PPP3CA: variants seen among roughly 807,000 people sequenced by gnomAD.
PPP3CA encodes the protein CAM-PRP catalytic subunit.
PPP3CA carries 14 observed loss-of-function variants against 66.5 expected under a neutral mutation model. The observed-to-expected ratio is 0.21, with a 90% CI of 0.14 to 0.33. The LOEUF (loss-of-function observed/expected upper bound fraction) is 0.33. Ranked by LOEUF, PPP3CA falls within the 10% of genes least tolerant of loss-of-function variation. PPP3CA has a pLI of 1.00. For missense variants in PPP3CA, 317 were observed against 639.5 expected (o/e 0.50, Z 5.44); for synonymous variants, 232 against 226.2 (o/e 1.03, Z -0.23).
intron 10 of PPP3CA, among the ~76,000 whole-genome samples, chr4:101,047,530 T>C (rs1727820076): frequency 6.6e-6 from 1 of 152,158 alleles, no homozygotes; most frequent in Non-Finnish European, 1.5e-5. Flanking sequence ...CTCATTGATA[T>C]TTAGAAATCT....
At chr4:101,253,850 G>A (rs1259597713) in intron 1 of PPP3CA, among the ~76,000 whole-genome samples, 1 of 151,930 alleles carries the variant, frequency 6.6e-6, no homozygotes, top group African/African-American at 2.4e-5. Flanking sequence ...CTTTTACGAT[G>A]CTCCTTAGAA....
chr4:101,257,006 A>G (rs1022122378), intron 1 of PPP3CA, among the ~76,000 whole-genome samples: 2 of 151,992 alleles, frequency 1.3e-5, no homozygotes, highest in African/African-American at 4.8e-5. Context: ...CCAAGTAGGG[A>G]AGGGGTGGGA....
intron 2 of PPP3CA, among the ~76,000 whole-genome samples, chr4:101,160,648 A>G (rs1314942638): frequency 1.3e-5 from 2 of 152,054 alleles, no homozygotes; most frequent in African/African-American, 2.4e-5. Context: ...CCTCTCAAGT[A>G]GCAAACACCC....
At chr4:101,107,946 A>T (rs1191713982) in intron 3 of PPP3CA, 1 of 152,210 alleles carries the variant, frequency 6.6e-6, no homozygotes, top group Non-Finnish European at 1.5e-5. Context: ...GATTCTTTAA[A>T]ACTTATTCAA....
In PPP3CA at chr4:101,302,441, G is replaced by A. The variant is rs758020444; in HGVS notation, c.58+44298C>T. 1.2e-4 allele frequency among the ~76,000 whole-genome samples: 18 copies of A among 152,208 alleles called. 1 individual carries two copies. Among genetic ancestry groups the A allele is most frequent in the Non-Finnish European group, 2.5e-4 (17 of 68,028 alleles). On this transcript the variant is annotated intron_variant, in intron 1 of 13. Coordinates refer to ENST00000394854, the MANE Select transcript of PPP3CA (RefSeq NM_000944.5). Reference sequence around the variant, plus strand: ...AGTTAGCACACTATTACAGAGTGATGACTGTTAATCTGTAACAAGTTTGTT... The same window carrying A: ...AGTTAGCACACTATTACAGAGTGATAACTGTTAATCTGTAACAAGTTTGTT...
At chr4:101,257,445 T>C (rs773382399) in intron 1 of PPP3CA, among the ~76,000 whole-genome samples, 2 of 151,870 alleles carry the variant, frequency 1.3e-5, no homozygotes, top group Non-Finnish European at 2.9e-5. Context: ...TCCACAAATA[T>C]TTGTTTATAG....
intron 8 of PPP3CA, among the ~76,000 whole-genome samples, chr4:101,078,365 T>C (rs984127204): frequency 4.6e-5 from 7 of 152,300 alleles, no homozygotes; most frequent in African/African-American, 1.7e-4. Context: ...AATAAATGTT[T>C]ACTGCTTTAA....
At chr4:101,176,974 G>A (rs1419144998) in intron 2 of PPP3CA, among the ~76,000 whole-genome samples, 1 of 152,042 alleles carries the variant, frequency 6.6e-6, no homozygotes, top group African/African-American at 2.4e-5. Flanking sequence ...TTATTCATAT[G>A]AGAAGAATAT....
intron 5 of PPP3CA, among the ~76,000 whole-genome samples, chr4:101,094,485 A>G (rs1360915253): frequency 6.6e-6 from 1 of 152,136 alleles, no homozygotes; most frequent in East Asian, 1.9e-4. Context: ...TTGCTATATG[A>G]TATTTTGGAT....
chr4:101,337,120 A>G (rs1188077200), intron 1 of PPP3CA, among the ~76,000 whole-genome samples: 1 of 152,234 alleles, frequency 6.6e-6, no homozygotes, highest in African/African-American at 2.4e-5. Context: ...ACAAAAATAA[A>G]TAAGAATCAT....
intron 3 of PPP3CA, among the ~76,000 whole-genome samples, chr4:101,106,087 T>C (rs1730653418): frequency 6.6e-6 from 1 of 151,646 alleles, no homozygotes; most frequent in Admixed American, 6.6e-5. Context: ...CTTTGGGAGG[T>C]CAGGGTGGGA....
intron 1 of PPP3CA, among the ~76,000 whole-genome samples, chr4:101,303,919 C>G (rs1728457266): frequency 6.6e-6 from 1 of 152,160 alleles, no homozygotes; most frequent in Non-Finnish European, 1.5e-5. Context: ...TATATCTTCA[C>G]TGGTCAAACT....
At chr4:101,123,281 AAGGAACAATGCAATGGGC>A (rs1165139367) in intron 2 of PPP3CA, among the ~76,000 whole-genome samples, 3 of 152,160 alleles carry the variant, frequency 2.0e-5, no homozygotes, top group Admixed American at 1.3e-4. Context: ...TGAATGAATG[AAGGAACAATGCAATGGGC>A]ATTGTTCATG....
Position 101,150,975 on chromosome 4 carries a change from A to C in PPP3CA, c.260-41897T>G, listed in dbSNP as rs181897305. On this transcript the variant is annotated intron_variant, in intron 2 of 13. Transcript: ENST00000394854. Reference sequence around the variant, plus strand: ...ATGCTATAAATTACATGTAATCCACAAAGGTCTATTGAAAAGAAAAAGGTA... The same window carrying C: ...ATGCTATAAATTACATGTAATCCACCAAGGTCTATTGAAAAGAAAAAGGTA... 6.5e-3 allele frequency among the ~76,000 whole-genome samples: 991 copies of C among 152,320 alleles called. 10 individuals carry two copies. Among genetic ancestry groups the C allele is most frequent in the Non-Finnish European group, 9.1e-3 (618 of 68,018 alleles).
intron 1 of PPP3CA, among the ~76,000 whole-genome samples, chr4:101,235,579 G>C (rs1173982488): frequency 3.3e-5 from 5 of 151,786 alleles, no homozygotes; most frequent in Non-Finnish European, 7.4e-5. Context: ...ATTCCATGAA[G>C]AAAGATTGTT....
At chr4:101,246,207 A>T in intron 1 of PPP3CA, among the ~76,000 whole-genome samples, 1 of 152,322 alleles carries the variant, frequency 6.6e-6, no homozygotes, top group East Asian at 1.9e-4. Flanking sequence ...TGTAGTAGGG[A>T]CTAAATGAAT....
intron 2 of PPP3CA, among the ~76,000 whole-genome samples, chr4:101,128,770 CG>C (rs1406872733): frequency 6.6e-6 from 1 of 152,132 alleles, no homozygotes; most frequent in African/African-American, 2.4e-5. Context: ...GAGATTCCCT[CG>C]GGTGGCTACA....
chr4:101,299,376 T>G (rs900035142), intron 1 of PPP3CA, among the ~76,000 whole-genome samples: 4 of 151,500 alleles, frequency 2.6e-5, no homozygotes, highest in Non-Finnish European at 4.4e-5. Flanking sequence ...AAGGTTTTTT[T>G]GTTTGTTTTT....
intron 1 of PPP3CA, among the ~76,000 whole-genome samples, chr4:101,316,618 T>C (rs1728893171): frequency 6.6e-6 from 1 of 152,212 alleles, no homozygotes; most frequent in African/African-American, 2.4e-5. Context: ...ATTATTCTTA[T>C]ATCCAAAAGT....
Sources: allele counts gnomAD v4.1 joint callset (sites outside exome capture counted in the v4.1 genomes callset), GRCh38; gene constraint gnomAD v4.1.1; transcripts MANE v1.5; gene names NCBI Gene and HGNC (gene_info 2026-07-23, HGNC 2026-07-21).